The following IFNAR1 variants were observed in gnomAD, a reference collection of about 807,000 sequenced individuals.
The protein encoded by IFNAR1 is interferon alpha/beta receptor 1.
IFNAR1 carries 47 observed loss-of-function variants against 62.1 expected under a neutral mutation model. That is an observed-to-expected ratio of 0.76 (90% CI 0.60 to 0.97). The LOEUF (loss-of-function observed/expected upper bound fraction) is 0.97, where lower values mean the gene tolerates loss of function less well. IFNAR1 is among the 50% of genes least tolerant of loss of function. The pLI is 0.00. For missense variants in IFNAR1, 638 were observed against 654.5 expected (o/e 0.97, Z 0.27); for synonymous variants, 219 against 226.9 (o/e 0.97, Z 0.31).
chr21:33,349,659 A>T, intron 8 of IFNAR1, 116 bp downstream of exon 8: 1 of 737,706 alleles, frequency 1.4e-6, no homozygotes, highest in Non-Finnish European at 2.2e-6. Context: ...GGCTGGATGC[A>T]GTGGCCTGTA....
At chr21:33,332,425 G>A (rs1205910923) in intron 1 of IFNAR1, among the ~76,000 whole-genome samples, 1 of 152,134 alleles carries the variant, frequency 6.6e-6, no homozygotes, top group African/African-American at 2.4e-5. Context: ...TGTAAAGTTT[G>A]GAAGAGGTAA....
chr21:33,327,008 C>A (rs1372321676), intron 1 of IFNAR1, among the ~76,000 whole-genome samples: 1 of 152,054 alleles, frequency 6.6e-6, no homozygotes, highest in African/African-American at 2.4e-5. Context: ...TGTGAGCCTG[C>A]AAGTGAGTTC....
intron 1 of IFNAR1, among the ~76,000 whole-genome samples, chr21:33,334,094 TATAATG>T (rs1286118402): frequency 1.3e-5 from 2 of 152,194 alleles, no homozygotes; most frequent in East Asian, 3.8e-4. Flanking sequence ...AAGGTTATTA[TATAATG>T]ATAAAGGGAC....
intron 6 of IFNAR1, among the ~76,000 whole-genome samples, chr21:33,345,759 T>G (rs983724638): frequency 2.0e-5 from 3 of 152,276 alleles, no homozygotes; most frequent in Non-Finnish European, 4.4e-5. Context: ...GTCCACTCAC[T>G]TGTTCAATTC....
At chr21:33,351,713 T>C (rs1330661254) in intron 8 of IFNAR1, among the ~76,000 whole-genome samples, 3 of 151,974 alleles carry the variant, frequency 2.0e-5, no homozygotes, top group Admixed American at 1.3e-4. Context: ...CATGCCTAGC[T>C]AATTTTTTGT....
rs368112559 is a variant in IFNAR1 at position 33,325,041 on chromosome 21, T to C, written c.-15T>C. On this transcript the variant is annotated 5_prime_UTR_variant, in exon 1 of 11. Coordinates refer to ENST00000270139, the MANE Select transcript of IFNAR1 (RefSeq NM_000629.3). Reference sequence around the variant, plus strand: ...GCGCGAACATGTAACTGGTGGGATCTGCGGCGGCTCCCAGATGATGGTCGT... The same window carrying C: ...GCGCGAACATGTAACTGGTGGGATCCGCGGCGGCTCCCAGATGATGGTCGT... 86 of 1,584,844 alleles carry C rather than the reference T, an allele frequency of 5.4e-5. No homozygotes were observed. Among genetic ancestry groups the C allele is most frequent in the Non-Finnish European group, 7.1e-5 (83 of 1,166,582 alleles).
intron 1 of IFNAR1, among the ~76,000 whole-genome samples, chr21:33,331,678 G>T (rs1047184979): frequency 6.6e-6 from 1 of 152,098 alleles, no homozygotes; most frequent in Non-Finnish European, 1.5e-5. Context: ...CTCACAGTCT[G>T]GGGTACTGCT....
At position 33,343,370 on chromosome 21, in the gene IFNAR1, G is replaced by A; in HGVS notation, c.479G>A (p.Gly160Asp). The change falls in exon 4 of 11, where the codon GGT becomes GAT. Residue 160 changes from glycine to aspartate, a missense_variant. Physicochemically the swap from Gly to Asp is moderately conservative, Grantham distance 94. Transcript: ENST00000270139. The stretch of plus-strand genomic sequence containing the variant: ...GATAGTGTTATGTGGGCTTTGGATG[G>A]TTTAAGCTTTACATATAGCTTAGTT... ...TKDSVMWALD[G>D]LSFTYSLVIW... 6.2e-7 allele frequency: 1 copy of A among 1,612,942 alleles called. No homozygotes were observed. The highest frequency in any genetic ancestry group is 8.5e-7 in the Non-Finnish European group (1 of 1,178,992).
At chr21:33,329,860 G>T (rs1350692425) in intron 1 of IFNAR1, among the ~76,000 whole-genome samples, 3 of 152,176 alleles carry the variant, frequency 2.0e-5, no homozygotes, top group Admixed American at 6.5e-5. Context: ...ACACAAAGAA[G>T]CAGTTTTTAC....
intron 2 of IFNAR1, among the ~76,000 whole-genome samples, chr21:33,340,103 C>T (rs1166111209): frequency 2.0e-5 from 3 of 152,116 alleles, no homozygotes; most frequent in Admixed American, 6.5e-5. Context: ...AATATCACTT[C>T]AGCTTTCTGA....
intron 10 of IFNAR1, among the ~76,000 whole-genome samples, chr21:33,354,267 G>GGGAGGTGGAGGT (rs2083427716): frequency 6.6e-6 from 1 of 152,170 alleles, no homozygotes; most frequent in Non-Finnish European, 1.5e-5. Context: ...GCTTGAACCT[G>GGGAGGTGGAGGT]GGAGGTGGAG....
At chr21:33,337,678 A>ACATACTAT (rs1258319182) in intron 2 of IFNAR1, among the ~76,000 whole-genome samples, 10 of 44,246 alleles carry the variant, frequency 2.3e-4, no homozygotes, top group African/African-American at 1.1e-3. Flanking sequence ...CACTATATAT[A>ACATACTAT]ATACATACTG....
At chr21:33,325,184 C>G in intron 1 of IFNAR1, 53 bp downstream of exon 1, 1 of 1,484,182 alleles carries the variant, frequency 6.7e-7, no homozygotes. Context: ...GGGCACGCAG[C>G]TGGGCTACGG....
intron 1 of IFNAR1, among the ~76,000 whole-genome samples, chr21:33,329,146 C>T (rs2083154364): frequency 6.6e-6 from 1 of 151,816 alleles, no homozygotes; most frequent in African/African-American, 2.4e-5. Context: ...TTTTTTTCTC[C>T]CTGAGGAAAT....
At chr21:33,344,461 C>T (rs957704095) in intron 5 of IFNAR1, among the ~76,000 whole-genome samples, 1 of 147,360 alleles carries the variant, frequency 6.8e-6, no homozygotes, top group Admixed American at 6.8e-5. Context: ...TCAAACATTA[C>T]GGAAGGGTTT....
chr21:33,344,535 G>A (rs1340725616), intron 5 of IFNAR1, among the ~76,000 whole-genome samples: 2 of 151,562 alleles, frequency 1.3e-5, no homozygotes, highest in African/African-American at 2.4e-5. Context: ...GCATTGCTTA[G>A]CAGTTTGTGT....
At chr21:33,342,085 G>A (rs1184021806) in intron 3 of IFNAR1, among the ~76,000 whole-genome samples, 1 of 152,134 alleles carries the variant, frequency 6.6e-6, no homozygotes, top group Non-Finnish European at 1.5e-5. Context: ...CATAAATAAT[G>A]GCTGTTTGGG....
chr21:33,345,317 G>A lies in IFNAR1; in HGVS notation c.745G>A (p.Asp249Asn). ...AAATCAGAACTATGTTCTTAAATGG[G>A]ATTATACATATGCAAACATGACCTT... ...VQNQNYVLKW[D>N]YTYANMTFQV... Residue 249 changes from aspartate to asparagine, a missense_variant, in exon 6 of 11, where the codon GAT becomes AAT. Asp to Asn is a conservative substitution (Grantham distance 23). Coordinates refer to ENST00000270139, the MANE Select transcript of IFNAR1 (RefSeq NM_000629.3). 1 of 1,605,802 alleles carries A rather than the reference G, an allele frequency of 6.2e-7. No individual in the cohort carries two copies. The highest frequency in any genetic ancestry group is 1.1e-5 in the South Asian group (1 of 90,628).
At chr21:33,351,038 A>G (rs999123312) in intron 8 of IFNAR1, among the ~76,000 whole-genome samples, 7 of 152,244 alleles carry the variant, frequency 4.6e-5, no homozygotes, top group Non-Finnish European at 1.0e-4. Flanking sequence ...TAGAGATTCA[A>G]TAAATTGTAG....
Sources: gnomAD v4.1 joint callset for allele counts (sites outside exome capture counted in the v4.1 genomes callset) on GRCh38, gnomAD v4.1.1 for gene constraint, MANE v1.5 for transcripts, NCBI Gene and HGNC (gene_info 2026-07-23, HGNC 2026-07-21) for gene names.